SHISA9: variants seen among roughly 807,000 people sequenced by gnomAD.
The protein encoded by SHISA9 is protein shisa-9.
SHISA9 carries 13 observed loss-of-function variants against 38.0 expected under a neutral mutation model. The ratio of observed to expected loss-of-function variants is 0.34; its 90% CI spans 0.22 to 0.54. SHISA9 has a LOEUF of 0.54. Ranked by LOEUF, SHISA9 falls within the 20% of genes least tolerant of loss-of-function variation. The pLI is 0.91. For synonymous variants in SHISA9, 275 were observed against 242.0 expected, an observed-to-expected ratio of 1.14 and a Z score of -1.27; for missense variants, 538 against 575.8, an observed-to-expected ratio of 0.93 and a Z score of 0.67.
chr16:13,276,302 T>C, the SHISA9 span, among the ~76,000 whole-genome samples: 1 of 143,456 alleles, frequency 7.0e-6, no homozygotes, highest in Non-Finnish European at 1.5e-5. Flanking sequence ...ACAGTTTCTT[T>C]ATCCACTCGT....
At chr16:12,912,838 GC>G (rs1399512894) in intron 1 of SHISA9, among the ~76,000 whole-genome samples, 1 of 152,142 alleles carries the variant, frequency 6.6e-6, no homozygotes, top group Non-Finnish European at 1.5e-5. Context: ...CTGCTCGTTG[GC>G]CCTCTTCCAG....
the SHISA9 span, among the ~76,000 whole-genome samples, chr16:13,345,988 A>C: frequency 2.7e-4 from 41 of 152,232 alleles, no homozygotes; most frequent in Admixed American, 2.4e-3. Flanking sequence ...AATTTCTGTA[A>C]GTTTAAGGGG....
the SHISA9 span, among the ~76,000 whole-genome samples, chr16:13,268,748 C>T: frequency 6.6e-6 from 1 of 152,078 alleles, no homozygotes; most frequent in African/African-American, 2.4e-5. Flanking sequence ...TCCTGGAGAT[C>T]CTTTCATTTT....
intron 2 of SHISA9, among the ~76,000 whole-genome samples, chr16:13,165,941 C>A (rs757741053): frequency 9.2e-5 from 14 of 152,276 alleles, no homozygotes; most frequent in Admixed American, 5.2e-4. Context: ...CTCAGTATAA[C>A]CTTTAAGAAA....
chr16:13,166,064 C>A (rs1165746939), intron 2 of SHISA9, among the ~76,000 whole-genome samples: 2 of 152,178 alleles, frequency 1.3e-5, no homozygotes, highest in African/African-American at 4.8e-5. Flanking sequence ...CTGCTGTTTG[C>A]AGGAGATTAG....
At chr16:13,279,672 G>A in the SHISA9 span, among the ~76,000 whole-genome samples, 4 of 151,982 alleles carry the variant, frequency 2.6e-5, no homozygotes, top group South Asian at 2.1e-4. Flanking sequence ...CCAGGCAGTC[G>A]ATAGTATCAT....
chr16:12,993,273 A>G (rs1481396378), intron 2 of SHISA9, among the ~76,000 whole-genome samples: 6 of 152,186 alleles, frequency 3.9e-5, no homozygotes, highest in Admixed American at 3.9e-4. Context: ...CAGGGCCATG[A>G]CAAGTTTTGT....
downstream of SHISA9, among the ~76,000 whole-genome samples, chr16:13,241,699 A>G (rs140096172): frequency 6.6e-6 from 1 of 152,280 alleles, no homozygotes; most frequent in Admixed American, 6.5e-5. Flanking sequence ...GACATTGTCA[A>G]TGTCAAGCAA....
At chr16:13,004,933 T>C (rs989242923) in intron 2 of SHISA9, among the ~76,000 whole-genome samples, 1 of 23,352 alleles carries the variant, frequency 4.3e-5, no homozygotes, top group Non-Finnish European at 8.3e-5. Flanking sequence ...ACTCCATCTC[T>C]TAAGAAAAAG....
the SHISA9 span, among the ~76,000 whole-genome samples, chr16:13,499,585 T>C: frequency 6.6e-6 from 1 of 152,196 alleles, no homozygotes; most frequent in Non-Finnish European, 1.5e-5. Context: ...TGCCTTTTTG[T>C]ATTATATAAA....
the SHISA9 span, among the ~76,000 whole-genome samples, chr16:13,357,810 G>A: frequency 6.6e-6 from 1 of 151,074 alleles, no homozygotes; most frequent in Non-Finnish European, 1.5e-5. Flanking sequence ...AGTGGGGGTC[G>A]CAAGGTGCTC....
At chr16:13,459,492 ATT>A in the SHISA9 span, among the ~76,000 whole-genome samples, 27,949 of 152,036 alleles carry the variant, frequency 0.18, 2,786 homozygotes, top group East Asian at 0.35. Flanking sequence ...GTTCTAGCCT[ATT>A]TATTTTTAAT....
At chr16:13,465,122 C>A in the SHISA9 span, among the ~76,000 whole-genome samples, 1 of 152,110 alleles carries the variant, frequency 6.6e-6, no homozygotes, top group Non-Finnish European at 1.5e-5. Context: ...GGGTAGGGGG[C>A]TGGGTAGGTG....
chr16:13,026,388 T>G (rs1158498603), intron 2 of SHISA9, among the ~76,000 whole-genome samples: 2 of 152,260 alleles, frequency 1.3e-5, no homozygotes, highest in Admixed American at 1.3e-4. Context: ...TCTATGTGTC[T>G]TACGTAACAG....
At chr16:12,954,088 A>T (rs2071796803) in intron 2 of SHISA9, among the ~76,000 whole-genome samples, 1 of 152,212 alleles carries the variant, frequency 6.6e-6, no homozygotes, top group Non-Finnish European at 1.5e-5. Flanking sequence ...TCCACTCAGC[A>T]GAAGTGGCGA....
At chr16:13,417,662 A>G in the SHISA9 span, among the ~76,000 whole-genome samples, 1 of 152,232 alleles carries the variant, frequency 6.6e-6, no homozygotes, top group African/African-American at 2.4e-5. Flanking sequence ...TGGGAATCAC[A>G]CACATTGGGC....
At chr16:13,183,687 C>T (rs545285111) in intron 2 of SHISA9, among the ~76,000 whole-genome samples, 1 of 152,186 alleles carries the variant, frequency 6.6e-6, no homozygotes, top group African/African-American at 2.4e-5. Flanking sequence ...GTTCTTTTTT[C>T]ATAACTACCT....
chr16:13,113,752 C>G (rs1243889700), intron 2 of SHISA9, among the ~76,000 whole-genome samples: 3 of 152,076 alleles, frequency 2.0e-5, no homozygotes, highest in African/African-American at 7.2e-5. Flanking sequence ...GTTCTTGGCA[C>G]CCATGGAGGA....
At chr16:13,506,059 G>C in the SHISA9 span, among the ~76,000 whole-genome samples, 2 of 152,180 alleles carry the variant, frequency 1.3e-5, no homozygotes, top group African/African-American at 2.4e-5. Flanking sequence ...GAATAGAGGA[G>C]ATTAATAGGG....
Sources: allele counts gnomAD v4.1 joint callset (sites outside exome capture counted in the v4.1 genomes callset), GRCh38; gene constraint gnomAD v4.1.1; transcripts MANE v1.5; gene names NCBI Gene and HGNC (gene_info 2026-07-23, HGNC 2026-07-21).